ALK: variants seen among roughly 807,000 people sequenced by gnomAD.
The protein encoded by ALK is ALK receptor tyrosine kinase.
In ALK, 74 loss-of-function variants were observed where a neutral mutation model predicts 163.1. The ratio of observed to expected loss-of-function variants is 0.45; its 90% CI spans 0.38 to 0.55. The LOEUF is 0.55. ALK is among the 20% of genes least tolerant of loss of function. ALK has a pLI of 0.00. For synonymous variants in ALK, 960 were observed against 843.2 expected (o/e 1.14, Z -2.40); for missense variants, 2,063 against 2,105.3 (o/e 0.98, Z 0.39).
intron 7 of ALK, among the ~76,000 whole-genome samples, 165 bp from the exon 8 acceptor site, chr2:29,318,569 CTTTT>C (rs71403658): frequency 7.0e-6 from 1 of 142,322 alleles, no homozygotes; most frequent in Non-Finnish European, 1.5e-5. Context: ...TCAACAATTT[CTTTT>C]TTTTTTTTTT....
intron 8 of ALK, among the ~76,000 whole-genome samples, chr2:29,303,896 G>A (rs957461208): frequency 1.3e-5 from 2 of 152,160 alleles, no homozygotes; most frequent in African/African-American, 4.8e-5. Context: ...TGGGAGAGTA[G>A]GGGGAAAAGG....
intron 5 of ALK, among the ~76,000 whole-genome samples, chr2:29,378,353 G>A (rs565093271): frequency 8.5e-4 from 130 of 152,110 alleles, no homozygotes; most frequent in Non-Finnish European, 1.5e-3. Flanking sequence ...TACATGGCAA[G>A]GGAGACAGAT....
intron 4 of ALK, among the ~76,000 whole-genome samples, chr2:29,475,780 G>A (rs1671502756): frequency 6.6e-6 from 1 of 152,164 alleles, no homozygotes; most frequent in South Asian, 2.1e-4. Context: ...CTGAGGCCCC[G>A]ATAAAGGCTC....
At chr2:29,777,528 A>C (rs1681208860) in intron 1 of ALK, among the ~76,000 whole-genome samples, 1 of 152,196 alleles carries the variant, frequency 6.6e-6, no homozygotes, top group Non-Finnish European at 1.5e-5. Flanking sequence ...AACCTGAGTC[A>C]GAAATTCATG....
At position 29,522,106 on chromosome 2, in the gene ALK, T is replaced by C. The variant is rs536217740; in HGVS notation, c.1154+9809A>G. Among the ~76,000 whole-genome samples, 4 of 152,348 alleles carry C rather than the reference T, an allele frequency of 2.6e-5. No homozygotes were observed. The South Asian group carries it at 8.3e-4, about 32-fold the overall frequency. ...TAAATAAATAAGACTGCATCCTTAA[T>C]TATCAGCTGGCAATAGGGTAGTTAC... On this transcript the variant is annotated intron_variant, in intron 4 of 28. Coordinates refer to ENST00000389048, the MANE Select transcript of ALK (RefSeq NM_004304.5).
chr2:29,289,653 A>G (rs1224544735), intron 9 of ALK, among the ~76,000 whole-genome samples: 3 of 152,198 alleles, frequency 2.0e-5, no homozygotes, highest in African/African-American at 7.2e-5. Context: ...TCCCCTCGCG[A>G]GAGGCAGGTG....
chr2:29,709,277 C>T (rs995484116), intron 2 of ALK, among the ~76,000 whole-genome samples: 1 of 152,206 alleles, frequency 6.6e-6, no homozygotes, highest in Non-Finnish European at 1.5e-5. Context: ...CCCTCAGACA[C>T]ATTTCTTTCC....
Position 29,251,110 on chromosome 2 carries a change from G to C in ALK, c.2199C>G (p.Thr733=), listed in dbSNP as rs1475364383. 1 of 1,614,028 alleles carries C rather than the reference G, an allele frequency of 6.2e-7. No individual in the cohort carries two copies. Among genetic ancestry groups the C allele is most frequent in the East Asian group, 2.2e-5 (1 of 44,860 alleles). ...TCCCCCTCTTCCATACGCACCTGTA[G>C]GTGTCGGTGGCTGGCACCTTCCAGA... ...IQIWKVPATD[T]YSISGYGAAG... is the part of the protein sequence containing the mutation. Residue 733 remains threonine (T), a synonymous_variant, in exon 12 of 29, where the codon ACC becomes ACG. Transcript: ENST00000389048.
At chr2:29,575,739 A>G (rs1429888070) in intron 3 of ALK, among the ~76,000 whole-genome samples, 1 of 152,212 alleles carries the variant, frequency 6.6e-6, no homozygotes, top group Non-Finnish European at 1.5e-5. Context: ...TTGCCGGCAG[A>G]TAAGTGAGTT....
chr2:29,898,683 C>G (rs1667333512), intron 1 of ALK, among the ~76,000 whole-genome samples: 1 of 152,306 alleles, frequency 6.6e-6, no homozygotes, highest in Admixed American at 6.5e-5. Context: ...AGACCAGCAG[C>G]CCTTGCCACA....
At chr2:29,814,517 G>C (rs541188249) in intron 1 of ALK, among the ~76,000 whole-genome samples, 1 of 152,010 alleles carries the variant, frequency 6.6e-6, no homozygotes, top group East Asian at 1.9e-4. Flanking sequence ...AAAATTAGCT[G>C]GGCGAGGTGG....
chr2:29,601,281 G>A (rs1253955608), intron 3 of ALK, among the ~76,000 whole-genome samples: 1 of 152,182 alleles, frequency 6.6e-6, no homozygotes, highest in African/African-American at 2.4e-5. Context: ...TACTTATCAA[G>A]ACATTGGGCA....
intron 4 of ALK, among the ~76,000 whole-genome samples, chr2:29,510,825 T>C (rs1672490042): frequency 6.6e-6 from 1 of 152,152 alleles, no homozygotes; most frequent in Non-Finnish European, 1.5e-5. Flanking sequence ...AGTGGGCTGA[T>C]GTTTTCTGAG....
intron 5 of ALK, 147 bp from the exon 6 acceptor site, chr2:29,328,628 C>T (rs1667347528): frequency 9.0e-7 from 1 of 1,115,252 alleles, no homozygotes; most frequent in Non-Finnish European, 1.3e-6. Flanking sequence ...GAGACATCTG[C>T]ATCTCCATCT....
chr2:29,217,738 G>A (rs891427392), intron 23 of ALK, among the ~76,000 whole-genome samples: 7 of 152,148 alleles, frequency 4.6e-5, no homozygotes, highest in Non-Finnish European at 1.0e-4. Context: ...CCTGGTTCCT[G>A]CACACAGTAG....
At chr2:29,724,653 C>T (rs115885748) in intron 1 of ALK, among the ~76,000 whole-genome samples, 215 of 152,298 alleles carry the variant, frequency 1.4e-3, no homozygotes, top group African/African-American at 4.9e-3. Context: ...TAGCCCTCCC[C>T]ATACCTTCTC....
Position 29,328,336 on chromosome 2 carries a change from C to A in ALK, c.1414+14G>T, listed in dbSNP as rs1225778979. On this transcript the variant is annotated intron_variant, in intron 6 of 28. Coordinates refer to ENST00000389048, the MANE Select transcript of ALK (RefSeq NM_004304.5). ...GCTGGGCTCAGGCAGGGTGGGGCAG[C>A]CCCATCTACTCACGGCACATCTGGC... The A allele has an allele frequency of 1.2e-6, 2 of 1,613,994 alleles. No homozygotes were observed. Among genetic ancestry groups the A allele is most frequent in the Non-Finnish European group, 1.7e-6 (2 of 1,179,994 alleles).
At position 29,458,365 on chromosome 2, in the gene ALK, T is replaced by A. The variant is rs1470735519; in HGVS notation, c.1154+73550A>T. On this transcript the variant is annotated intron_variant, in intron 4 of 28. Transcript: ENST00000389048. ...GGGACTTAGCTTCAGAGACGCTATG[T>A]TGTAATATTACATAGAACTTTGAAG... Among the ~76,000 whole-genome samples, 4 of 152,132 alleles carry A rather than the reference T, an allele frequency of 2.6e-5. No homozygotes were observed. The East Asian group carries it at 5.8e-4, about 22-fold the overall frequency.
At chr2:29,391,449 C>T (rs551081797) in intron 4 of ALK, among the ~76,000 whole-genome samples, 2 of 152,000 alleles carry the variant, frequency 1.3e-5, no homozygotes, top group East Asian at 1.9e-4. Flanking sequence ...TATAGGTGTG[C>T]GCCATCATGC....
Sources: gnomAD v4.1 joint callset for allele counts (sites outside exome capture counted in the v4.1 genomes callset) on GRCh38, gnomAD v4.1.1 for gene constraint, MANE v1.5 for transcripts, NCBI Gene and HGNC (gene_info 2026-07-23, HGNC 2026-07-21) for gene names.